Variants in AOPEP observed in about 807,000 individuals in gnomAD.
The protein encoded by AOPEP is aminopeptidase O (putative), also known as aminopeptidase O.
In AOPEP, 77 loss-of-function variants were observed where a neutral mutation model predicts 98.1. The ratio of observed to expected loss-of-function variants is 0.78; its 90% CI spans 0.65 to 0.95. The LOEUF (loss-of-function observed/expected upper bound fraction) is 0.95, where lower values mean the gene tolerates loss of function less well. Among genes scored for constraint, AOPEP ranks in the 40% least tolerant of loss-of-function variants. The pLI is 0.00. For missense variants in AOPEP, 1,024 were observed against 1,024.7 expected (o/e 1.00, Z 0.01); for synonymous variants, 346 against 365.3 (o/e 0.95, Z 0.60).
intron 13 of AOPEP, among the ~76,000 whole-genome samples, chr9:95,036,702 C>CTTCTT (rs142297044): frequency 2.2e-5 from 3 of 135,818 alleles, no homozygotes; most frequent in Non-Finnish European, 3.1e-5. Flanking sequence ...TCTTCTTCTT[C>CTTCTT]TTTTTTTTTT....
At chr9:95,108,458 C>T in the AOPEP span, among the ~76,000 whole-genome samples, 9 of 152,314 alleles carry the variant, frequency 5.9e-5, no homozygotes, top group Admixed American at 3.3e-4. Context: ...GACCCACAAC[C>T]GACTTTCTGC....
Position 94,980,025 on chromosome 9 carries a change from T to C in AOPEP, c.1977+598T>C, listed in dbSNP as rs548223845. On this transcript the variant is annotated intron_variant, in intron 11 of 16. Transcript: ENST00000375315. The surrounding 1 kb of genome is among the most constrained non-coding windows in gnomAD (Gnocchi z 4.3). ...GACCTGGGCTCATCCCAGCTGGAGA[T>C]TGTTGTTCTCTCCCTCCCTTTCAGT... Among the ~76,000 whole-genome samples the C allele has an allele frequency of 6.6e-6, 1 of 152,298 alleles. No homozygotes were observed. Among genetic ancestry groups the C allele is most frequent in the Admixed American group, 6.5e-5 (1 of 15,306 alleles).
intron 5 of AOPEP, among the ~76,000 whole-genome samples, chr9:94,811,012 G>A (rs971844695): frequency 6.6e-6 from 1 of 152,134 alleles, no homozygotes; most frequent in African/African-American, 2.4e-5. Context: ...CAGAGTCAGT[G>A]GCTAACCTGC....
intron 7 of AOPEP, among the ~76,000 whole-genome samples, chr9:94,940,612 T>A (rs1372432564): frequency 6.6e-6 from 1 of 151,728 alleles, no homozygotes; most frequent in Non-Finnish European, 1.5e-5. Flanking sequence ...AATAAATAAA[T>A]AATAAAATAA....
intron 10 of AOPEP, among the ~76,000 whole-genome samples, chr9:94,975,170 G>A (rs2059765365): frequency 6.6e-6 from 1 of 152,168 alleles, no homozygotes; most frequent in Non-Finnish European, 1.5e-5. Flanking sequence ...GGAGGAGGAG[G>A]TTGTTGCAGT....
rs143321097 is a variant in AOPEP at position 95,059,127 on chromosome 9, T to C, written c.2116-1567T>C. 1.2e-3 allele frequency among the ~76,000 whole-genome samples: 189 copies of C among 152,366 alleles called. 1 individual carries two copies. Among genetic ancestry groups the C allele is most frequent in the Admixed American group, 1.9e-3 (29 of 15,312 alleles). On this transcript the variant is annotated intron_variant, in intron 13 of 16. Transcript: ENST00000375315. ...TGGGTGATTTTGTTACAAGTAGTTA[T>C]GTAGTAATTTGATATCTTTAAAACA...
chr9:94,915,771 G>C (rs1447619947), intron 5 of AOPEP, among the ~76,000 whole-genome samples: 2 of 152,222 alleles, frequency 1.3e-5, no homozygotes, highest in African/African-American at 4.8e-5. Flanking sequence ...TGGATTTTCA[G>C]ATTTGCAGAG....
intron 1 of AOPEP, among the ~76,000 whole-genome samples, chr9:94,741,347 A>T (rs1314504853): frequency 6.6e-6 from 1 of 151,184 alleles, no homozygotes; most frequent in East Asian, 1.9e-4. Flanking sequence ...ATCTCGGCTC[A>T]CTGCAAGCTC....
chr9:94,976,489 C>G (rs1019631944), intron 10 of AOPEP, among the ~76,000 whole-genome samples: 9 of 152,194 alleles, frequency 5.9e-5, no homozygotes, highest in African/African-American at 1.9e-4. Flanking sequence ...CCTCGGACTT[C>G]TCTTCTCTGG....
At chr9:94,889,739 C>A (rs971895446) in intron 5 of AOPEP, among the ~76,000 whole-genome samples, 4 of 152,166 alleles carry the variant, frequency 2.6e-5, no homozygotes, top group African/African-American at 7.2e-5. Flanking sequence ...ATATGGTAAG[C>A]CCCTTTTCAG....
At chr9:94,767,512 A>G (rs1224970142) in intron 2 of AOPEP, among the ~76,000 whole-genome samples, 1 of 152,254 alleles carries the variant, frequency 6.6e-6, no homozygotes, top group East Asian at 1.9e-4. Flanking sequence ...ACCTAGTACT[A>G]GTGAGAGCTG....
intron 5 of AOPEP, among the ~76,000 whole-genome samples, chr9:94,884,546 C>A (rs1034939393): frequency 5.3e-5 from 8 of 152,162 alleles, no homozygotes; most frequent in Admixed American, 1.3e-4. Context: ...GGAGCAGGAC[C>A]GCAGGGTGCC....
At chr9:95,110,402 TA>T in the AOPEP span, 1 of 1,024,414 alleles carries the variant, frequency 9.8e-7, no homozygotes, top group East Asian at 6.4e-5. Flanking sequence ...TTATTACTGT[TA>T]AAAACATCAA....
At chr9:95,146,106 T>C in the AOPEP span, among the ~76,000 whole-genome samples, 3 of 152,138 alleles carry the variant, frequency 2.0e-5, no homozygotes, top group Non-Finnish European at 2.9e-5. Flanking sequence ...ATAATGGTAT[T>C]GTAGTTTTGT....
chr9:95,064,623 A>G (rs895788259), intron 14 of AOPEP, among the ~76,000 whole-genome samples: 2 of 152,254 alleles, frequency 1.3e-5, no homozygotes, highest in East Asian at 1.9e-4. Flanking sequence ...TACACAAGCC[A>G]TTGGTCAGGG....
chr9:94,894,613 T>A (rs1339279118), intron 5 of AOPEP, among the ~76,000 whole-genome samples: 1 of 152,212 alleles, frequency 6.6e-6, no homozygotes, highest in Admixed American at 6.5e-5. Context: ...CTTTCATAAG[T>A]GAATTTGCTC....
chr9:94,897,986 C>T lies in AOPEP; in HGVS notation c.1365-26000C>T, dbSNP rs574940327. The stretch of plus-strand genomic sequence containing the variant: ...TCCAGAGTAGCTGGGATTACAAGCG[C>T]GCACCACCATGCCTGGCTGATTTTT... On this transcript the variant is annotated intron_variant, in intron 5 of 16. Transcript: ENST00000375315. 7.2e-5 allele frequency among the ~76,000 whole-genome samples: 11 copies of T among 152,030 alleles called. No homozygotes were observed. In the South Asian group the frequency reaches 1.5e-3, roughly 20 times the overall value.
intron 5 of AOPEP, among the ~76,000 whole-genome samples, chr9:94,811,477 C>T (rs1409865166): frequency 6.6e-6 from 1 of 152,166 alleles, no homozygotes; most frequent in Non-Finnish European, 1.5e-5. Context: ...TGCCCCCAGA[C>T]CTCTTCCGTC....
chr9:94,985,359 G>A (rs1322503899), intron 11 of AOPEP, among the ~76,000 whole-genome samples: 1 of 152,200 alleles, frequency 6.6e-6, no homozygotes, highest in African/African-American at 2.4e-5. Flanking sequence ...AGTCTTGTAG[G>A]GAAAATGCTG....
Sources: allele counts gnomAD v4.1 joint callset (sites outside exome capture counted in the v4.1 genomes callset), GRCh38; gene constraint gnomAD v4.1.1; non-coding constraint Gnocchi (gnomAD v3.1); transcripts MANE v1.5; gene names NCBI Gene and HGNC (gene_info 2026-07-23, HGNC 2026-07-21).